SLC27A5: variants seen among roughly 807,000 people sequenced by gnomAD.
SLC27A5 encodes the protein solute carrier family 27 member 5, also known as long-chain fatty acid transport protein 5.
Under a neutral mutation model 63.1 loss-of-function variants are expected in SLC27A5, and 47 were observed. That is an observed-to-expected ratio of 0.74 (90% CI 0.59 to 0.95). The LOEUF (loss-of-function observed/expected upper bound fraction) is 0.95, where lower values mean the gene tolerates loss of function less well. SLC27A5 is among the 40% of genes least tolerant of loss of function. The pLI is 0.00. For synonymous variants in SLC27A5, 391 were observed against 403.8 expected (o/e 0.97, Z 0.38); for missense variants, 940 against 921.0 (o/e 1.02, Z -0.27).
chr19:58,499,499 T>C lies in SLC27A5; in HGVS notation c.1660A>G (p.Thr554Ala). The change falls in exon 7 of 10, where the codon ACC becomes GCC. Residue 554 changes from threonine (T) to alanine (A), a missense_variant. Transcript: ENST00000263093. Reference sequence around the variant, plus strand: ...AGAAACCCTGCCTCGGACCGGAAGGTGTCCCCGAGGCGGTCGCGGAAGTAG... The same window carrying C: ...AGAAACCCTGCCTCGGACCGGAAGGCGTCCCCGAGGCGGTCGCGGAAGTAG... ...FLYFRDRLGD[T>A]FRWKGENVST... The C allele has an allele frequency of 6.2e-7, 1 of 1,612,578 alleles. No individual in the cohort carries two copies. Among genetic ancestry groups the C allele is most frequent in the Non-Finnish European group, 8.5e-7 (1 of 1,179,868 alleles).
In SLC27A5 at chr19:58,499,201, A is replaced by T; in HGVS notation, c.1687T>A (p.Ser563Thr). 1 of 1,613,834 alleles carries T rather than the reference A, an allele frequency of 6.2e-7. No individual in the cohort carries two copies. The highest frequency in any genetic ancestry group is 1.1e-5 in the South Asian group (1 of 91,092). Residue 563 changes from serine (S) to threonine (T), a missense_variant, in exon 8 of 10, where the codon TCC becomes ACC. By Grantham distance (58) the Ser-to-Thr change is moderately conservative (BLOSUM62 1). Coordinates refer to ENST00000263093, the MANE Select transcript of SLC27A5 (RefSeq NM_012254.3). ...AACACGCCCTCCACCTCGTGCGTGG[A>T]CACGTTCTCGCCCTTCCATCTGCAA... ...DTFRWKGENV[S>T]THEVEGVLSQ...
chr19:58,502,964 A>T (rs997377807), intron 3 of SLC27A5, among the ~76,000 whole-genome samples: 31 of 151,572 alleles, frequency 2.0e-4, no homozygotes, highest in Non-Finnish European at 3.5e-4. Context: ...CCCAGGACTT[A>T]GGGAGGCCGA....
Position 58,501,360 on chromosome 19 carries a change from C to A in SLC27A5, c.1108G>T (p.Asp370Tyr). ...ACTGTCACGCCATGCTGCCGACAGT[C>A]ATCCCAGAAGCAGGAAGTAGAGAAC... ...PKFSTSCFWD[D>Y]CRQHGVTVIL... Residue 370 changes from aspartate to tyrosine, a missense_variant, in exon 4 of 10, where the codon GAC (aspartate) becomes TAC (tyrosine). Transcript: ENST00000263093. The A allele has an allele frequency of 6.2e-7, 1 of 1,613,646 alleles. No individual in the cohort carries two copies. Among genetic ancestry groups the A allele is most frequent in the South Asian group, 1.1e-5 (1 of 91,008 alleles).
Position 58,509,972 on chromosome 19 carries a change from C to T in SLC27A5, c.932G>A (p.Arg311Gln), listed in dbSNP as rs371102258. Reference sequence around the variant, plus strand: ...CAGCATCTTGCTCATCTGCAGTACCCGCTCATGCGTGAGGATGGCTGGCTT... The same window carrying T: ...CAGCATCTTGCTCATCTGCAGTACCTGCTCATGCGTGAGGATGGCTGGCTT... ...LPKPAILTHE[R>Q]VLQMSKMLSL... Residue 311 changes from arginine (R) to glutamine (Q), a missense_variant, in exon 3 of 10, where the codon CGG (arginine) becomes CAG (glutamine). Physicochemically the swap from Arg to Gln is conservative, Grantham distance 43 (BLOSUM62 1). Transcript: ENST00000263093. The T allele has an allele frequency of 1.7e-5, 27 of 1,613,800 alleles. No individual in the cohort carries two copies. Among genetic ancestry groups the T allele is most frequent in the Middle Eastern group, 1.6e-4 (1 of 6,084 alleles).
At position 58,511,879 on chromosome 19, in the gene SLC27A5, G is replaced by A. The variant is rs2053418527; in HGVS notation, c.77C>T (p.Pro26Leu). 2 of 1,551,558 alleles carry A rather than the reference G, an allele frequency of 1.3e-6. No homozygotes were observed. Among genetic ancestry groups the A allele is most frequent in the Non-Finnish European group, 1.7e-6 (2 of 1,147,840 alleles). Residue 26 changes from proline to leucine, a missense_variant, in exon 1 of 10, where the codon CCA becomes CTA. Physicochemically the swap from Pro to Leu is moderately conservative, Grantham distance 98. Coordinates refer to ENST00000263093, the MANE Select transcript of SLC27A5 (RefSeq NM_012254.3). Reference sequence around the variant, plus strand: ...GCGCAGGGTCAAGGCCACAGCGACTGGCCACACTGGCTGCCCCAGGCCCCA... The same window carrying A: ...GCGCAGGGTCAAGGCCACAGCGACTAGCCACACTGGCTGCCCCAGGCCCCA... Reference protein sequence around the residue: ...LLWGLGQPVWPVAVALTLRWL... With the variant: ...LLWGLGQPVWLVAVALTLRWL...
intron 7 of SLC27A5, 71 bp downstream of exon 7, chr19:58,499,421 T>G (rs1366008762): frequency 1.3e-6 from 2 of 1,532,544 alleles, no homozygotes; most frequent in Non-Finnish European, 1.8e-6. Context: ...CTCTTCAGCC[T>G]GACTCCCTCT....
chr19:58,501,370 G>A lies in SLC27A5; in HGVS notation c.1098C>T (p.Cys366=), dbSNP rs2053271940. ...CVLAPKFSTS[C]FWDDCRQHGV... ...CATGCTGCCGACAGTCATCCCAGAA[G>A]CAGGAAGTAGAGAACTTGGGGGCCA... Residue 366 remains cysteine, a synonymous_variant, in exon 4 of 10, where the codon TGC becomes TGT. Coordinates refer to ENST00000263093, the MANE Select transcript of SLC27A5 (RefSeq NM_012254.3). 1 of 1,613,468 alleles carries A rather than the reference G, an allele frequency of 6.2e-7. No homozygotes were observed. The highest frequency in any genetic ancestry group is 1.1e-5 in the South Asian group (1 of 91,034).
At position 58,500,399 on chromosome 19, in the gene SLC27A5, C is replaced by T. The variant is rs746865440; in HGVS notation, c.1408G>A (p.Asp470Asn). ...CTCACAGGCTCCGCCGCCTCCATGTCGAACTGCACCAGCTCAAAGGGGGAC... is the reference window on the plus strand; with the variant it reads ...CTCACAGGCTCCGCCGCCTCCATGTTGAACTGCACCAGCTCAAAGGGGGAC... ...MLSPFELVQF[D>N]MEAAEPVRDN... The change falls in exon 6 of 10, where the codon GAC (aspartate) becomes AAC (asparagine). Residue 470 changes from aspartate to asparagine, a missense_variant. Transcript: ENST00000263093. The T allele has an allele frequency of 2.0e-5, 32 of 1,613,708 alleles. No homozygotes were observed. The highest frequency in any genetic ancestry group is 4.4e-5 in the South Asian group (4 of 91,084).
intron 3 of SLC27A5, among the ~76,000 whole-genome samples, chr19:58,507,145 T>A (rs1005493217): frequency 2.6e-5 from 4 of 151,096 alleles, no homozygotes; most frequent in Non-Finnish European, 5.9e-5. Context: ...GATCATGAGG[T>A]CAGGTGTTGG....
At position 58,500,920 on chromosome 19, in the gene SLC27A5, C is replaced by T. The variant is rs905959310; in HGVS notation, c.1183-214G>A. 2.1e-5 allele frequency: 29 copies of T among 1,395,566 alleles called. No homozygotes were observed. The African/African-American group carries it at 3.9e-4, about 19-fold the overall frequency. 86.4% of individuals were successfully genotyped at this position (1,395,566 alleles called of 1,614,324 possible). ...GTTACCTGCAGGGGCGACCTCAGAG[C>T]TTTGCCTGGGGGACGTTACCAGAGG... On this transcript the variant is annotated intron_variant, in intron 4 of 9. Coordinates refer to ENST00000263093, the MANE Select transcript of SLC27A5 (RefSeq NM_012254.3).
chr19:58,510,913 C>G lies in SLC27A5; in HGVS notation c.706G>C (p.Glu236Gln), dbSNP rs2122530137. ...GCCTGCAGCTTGGGAAGGATCTCCT[C>G]CAGGCTCTCCCGGAGGTCTGCAGAG... ...VVDPDLRESLEEILPKLQAEN... is the reference protein window; with the variant it reads ...VVDPDLRESLQEILPKLQAEN... Residue 236 changes from glutamate to glutamine, a missense_variant, in exon 2 of 10, where the codon GAG (glutamate) becomes CAG (glutamine). Physicochemically the swap from Glu to Gln is conservative, Grantham distance 29. Transcript: ENST00000263093. 2 of 1,606,714 alleles carry G rather than the reference C, an allele frequency of 1.2e-6. No individual in the cohort carries two copies. The highest frequency in any genetic ancestry group is 1.7e-6 in the Non-Finnish European group (2 of 1,175,746).
At chr19:58,503,669 A>G (rs2053309234) in intron 3 of SLC27A5, among the ~76,000 whole-genome samples, 1 of 151,120 alleles carries the variant, frequency 6.6e-6, no homozygotes, top group African/African-American at 2.4e-5. Context: ...TCTCAAAAGA[A>G]AAAGAAAAAA....
chr19:58,501,865 C>G (rs1194069518), intron 3 of SLC27A5, among the ~76,000 whole-genome samples: 1 of 152,140 alleles, frequency 6.6e-6, no homozygotes. Context: ...TAAGTACAGA[C>G]GGGGTTTCAC....
chr19:58,502,663 G>C (rs1223133366), intron 3 of SLC27A5, among the ~76,000 whole-genome samples: 1 of 145,892 alleles, frequency 6.9e-6, no homozygotes, highest in African/African-American at 2.5e-5. Context: ...AGATGGATGG[G>C]TGAACAGTTA....
chr19:58,502,589 A>G (rs55944730), intron 3 of SLC27A5, among the ~76,000 whole-genome samples: 40 of 83,006 alleles, frequency 4.8e-4, no homozygotes, highest in Non-Finnish European at 9.1e-4. Flanking sequence ...GTGAGTGAGT[A>G]GATGGATGGG....
intron 3 of SLC27A5, among the ~76,000 whole-genome samples, chr19:58,502,698 GGTGGA>G: frequency 6.6e-6 from 1 of 150,760 alleles, no homozygotes; most frequent in African/African-American, 2.5e-5. Context: ...TAGATGGATG[GGTGGA>G]CAGTTAGAGT....
rs1201509155 is a variant in SLC27A5, at chr19:58,498,654, TTCA to T, written c.1931_1933del (p.Met644del). The T allele has an allele frequency of 1.2e-6, 2 of 1,613,972 alleles. No homozygotes were observed. Among genetic ancestry groups the T allele is most frequent in the African/African-American group, 2.7e-5 (2 of 74,932 alleles). On this transcript the variant is annotated inframe_deletion, in exon 10 of 10. Transcript: ENST00000263093. ...GAAGCCCTCACGCACCAACCGGGTC[TTCA>T]TCAGTTTGAACGTGCTGGTGACCTC...
In SLC27A5 at chr19:58,498,582, G is replaced by A; in HGVS notation, c.2006C>T (p.Ala669Val). The part of the protein sequence containing the change: ...VDPLFVLDNR[A>V]QSFRPLTAEM... ...TGCCGTCAGGGGCCGGAAGGACTGG[G>A]CCCGGTTGTCCAGTACAAACAGAGG... The change falls in exon 10 of 10, where the codon GCC becomes GTC. Residue 669 changes from alanine (A) to valine (V), a missense_variant. By Grantham distance (64) the Ala-to-Val change is moderately conservative. Transcript: ENST00000263093. The A allele has an allele frequency of 6.2e-7, 1 of 1,614,068 alleles. No individual in the cohort carries two copies. Among genetic ancestry groups the A allele is most frequent in the Non-Finnish European group, 8.5e-7 (1 of 1,180,014 alleles).
Position 58,499,152 on chromosome 19 carries a change from T to G in SLC27A5, c.1736A>C (p.Gln579Pro). ...CACGCACACGCCATACACGTTAACC[T>G]GTTGCAAGAAGTCCACCTGCGACAA... ...GVLSQVDFLQ[Q>P]VNVYGVCVPG... The change falls in exon 8 of 10, where the codon CAG (glutamine) becomes CCG (proline). Residue 579 changes from glutamine (Q) to proline (P), a missense_variant. Gln to Pro is a moderately conservative substitution (Grantham distance 76). Transcript: ENST00000263093. The G allele has an allele frequency of 6.2e-7, 1 of 1,614,034 alleles. No individual in the cohort carries two copies. Among genetic ancestry groups the G allele is most frequent in the Non-Finnish European group, 8.5e-7 (1 of 1,180,036 alleles).
Sources: gnomAD v4.1 joint callset for allele counts (sites outside exome capture counted in the v4.1 genomes callset) on GRCh38, gnomAD v4.1.1 for gene constraint, MANE v1.5 for transcripts, NCBI Gene and HGNC (gene_info 2026-07-23, HGNC 2026-07-21) for gene names.